SOX5: variants seen among roughly 807,000 people sequenced by gnomAD.
The protein encoded by SOX5 is SRY-box transcription factor 5.
SOX5 carries 9 observed loss-of-function variants against 92.0 expected under a neutral mutation model. The ratio of observed to expected loss-of-function variants is 0.10; its 90% CI spans 0.06 to 0.17. The LOEUF is 0.17. Among genes scored for constraint, SOX5 ranks in the 10% least tolerant of loss-of-function variants. The probability of loss-of-function intolerance (pLI) is 1.00; values close to 1 mark genes in which losing one functional copy is unlikely to be tolerated. For synonymous variants in SOX5, 344 were observed against 336.3 expected (o/e 1.02, Z -0.25); for missense variants, 642 against 944.5 (o/e 0.68, Z 4.20).
chr12:24,026,209 A>G (rs1265756586), intron 4 of SOX5, among the ~76,000 whole-genome samples: 1 of 152,070 alleles, frequency 6.6e-6, no homozygotes, highest in African/African-American at 2.4e-5. Flanking sequence ...TAACCACGGG[A>G]GTGAAGGTTC....
intron 4 of SOX5, among the ~76,000 whole-genome samples, chr12:24,025,926 G>A (rs1377238865): frequency 2.0e-5 from 3 of 152,018 alleles, no homozygotes; most frequent in Non-Finnish European, 4.4e-5. Flanking sequence ...TTCACAATTA[G>A]CTCCTGATTA....
At chr12:24,543,022 T>C (rs1274054142) in intron 1 of SOX5, among the ~76,000 whole-genome samples, 1 of 152,222 alleles carries the variant, frequency 6.6e-6, no homozygotes, top group African/African-American at 2.4e-5. Context: ...TGATGAACAA[T>C]GAAACATTGA....
At chr12:24,522,434 C>T (rs1950342751) in intron 1 of SOX5, among the ~76,000 whole-genome samples, 1 of 152,004 alleles carries the variant, frequency 6.6e-6, no homozygotes, top group Non-Finnish European at 1.5e-5. Flanking sequence ...GCCAGCATTA[C>T]CCTGACAAAG....
intron 3 of SOX5, 70 bp downstream of exon 3, chr12:23,845,912 AT>A: frequency 7.9e-7 from 1 of 1,262,700 alleles, no homozygotes; most frequent in Non-Finnish European, 1.2e-6. Context: ...CAAAAAACAA[AT>A]CAAGAAATTA....
At position 24,204,588 on chromosome 12, in the gene SOX5, CA is replaced by C. The variant is rs1435857530; in HGVS notation, c.-2+8754del. 3.3e-5 allele frequency among the ~76,000 whole-genome samples: 5 copies of C among 152,152 alleles called. No homozygotes were observed. The South Asian group carries it at 8.3e-4, about 25-fold the overall frequency. ...AAGTGATCCACCTGCCTCAGCCTCC[CA>C]AAGTGTTAAGATTACAGGCGTGAGC... On this transcript the variant is annotated intron_variant, in intron 4 of 4. Coordinates refer to the SOX5 transcript ENST00000446891.
intron 1 of SOX5, among the ~76,000 whole-genome samples, chr12:24,519,721 T>C (rs2138453641): frequency 6.6e-6 from 1 of 152,286 alleles, no homozygotes; most frequent in Middle Eastern, 3.4e-3. Context: ...AATTTAGCTA[T>C]TGATCCATGA....
chr12:24,248,319 G>A (rs931620137), intron 3 of SOX5, among the ~76,000 whole-genome samples: 5 of 152,188 alleles, frequency 3.3e-5, no homozygotes, highest in African/African-American at 9.6e-5. Flanking sequence ...CCTGAAGGAA[G>A]CAGATTATAG....
At chr12:23,831,826 C>T (rs1303519485) in intron 3 of SOX5, among the ~76,000 whole-genome samples, 1 of 151,954 alleles carries the variant, frequency 6.6e-6, no homozygotes, top group Non-Finnish European at 1.5e-5. Flanking sequence ...AATGCAGTTT[C>T]TCACACACAA....
intron 1 of SOX5, chr12:24,460,852 A>G (rs1596938621): frequency 6.6e-6 from 1 of 152,306 alleles, no homozygotes; most frequent in African/African-American, 2.4e-5. Flanking sequence ...AGACTCTTCC[A>G]GAAAAAACCT....
chr12:24,089,964 G>T (rs973565122), intron 4 of SOX5, among the ~76,000 whole-genome samples: 1 of 152,020 alleles, frequency 6.6e-6, no homozygotes, highest in Non-Finnish European at 1.5e-5. Context: ...GCAGCATGTA[G>T]GTATTTTTTT....
intron 8 of SOX5, among the ~76,000 whole-genome samples, chr12:23,617,390 A>G (rs2076689800): frequency 6.6e-6 from 1 of 152,178 alleles, no homozygotes; most frequent in Non-Finnish European, 1.5e-5. Context: ...ACATCTGGCT[A>G]TAGTTTGGGT....
chr12:24,383,051 G>A (rs1957994115), intron 1 of SOX5, among the ~76,000 whole-genome samples: 2 of 152,134 alleles, frequency 1.3e-5, no homozygotes. Context: ...ACTACAAGTG[G>A]CAGGTTCCAA....
chr12:23,588,251 G>A (rs937340105), intron 9 of SOX5, among the ~76,000 whole-genome samples: 13 of 151,924 alleles, frequency 8.6e-5, no homozygotes, highest in Non-Finnish European at 5.9e-5. Flanking sequence ...AAATAAAGAT[G>A]AGAAAAGGCT....
chr12:24,008,656 C>T (rs1471609110), intron 4 of SOX5, among the ~76,000 whole-genome samples: 2 of 152,024 alleles, frequency 1.3e-5, no homozygotes, highest in Non-Finnish European at 2.9e-5. Flanking sequence ...ATATCATTTT[C>T]AGTATTACAA....
chr12:24,269,501 T>C (rs992891651), intron 3 of SOX5, among the ~76,000 whole-genome samples: 1 of 152,160 alleles, frequency 6.6e-6, no homozygotes, highest in Non-Finnish European at 1.5e-5. Context: ...CAATTCAGCA[T>C]ATAATATGGT....
Position 23,970,840 on chromosome 12 carries a change from A to ATTTTTTTTTTTTTTTT in SOX5, c.-1-74817_-1-74816insAAAAAAAAAAAAAAAA. ...CACATGGGACTTTATATATATATAT[A>ATTTTTTTTTTTTTTTT]ATTTTTTTTTTTTTTTAAGAAATGG... On this transcript the variant is annotated intron_variant, in intron 4 of 4. Coordinates refer to the SOX5 transcript ENST00000446891. Among the ~76,000 whole-genome samples, 4 of 33,472 alleles carry ATTTTTTTTTTTTTTTT rather than the reference A, an allele frequency of 1.2e-4. 1 individual carries two copies. Among genetic ancestry groups the ATTTTTTTTTTTTTTTT allele is most frequent in the Non-Finnish European group, 2.4e-4 (4 of 16,600 alleles). The allele number at this position is 33,472 out of a possible 152,430, so 22.0% of individuals were successfully genotyped here. A position where few individuals can be genotyped will look rare whatever the true frequency, so the allele number is the denominator to read the frequency against.
At chr12:24,539,442 A>C (rs892631641) in intron 1 of SOX5, among the ~76,000 whole-genome samples, 3 of 152,144 alleles carry the variant, frequency 2.0e-5, no homozygotes, top group African/African-American at 7.2e-5. Context: ...GATGTTACAA[A>C]AGTGTGTTCC....
intron 2 of SOX5, among the ~76,000 whole-genome samples, chr12:23,885,327 C>T (rs1051057306): frequency 6.6e-6 from 1 of 152,182 alleles, no homozygotes; most frequent in Non-Finnish European, 1.5e-5. Context: ...TATAAAGCTA[C>T]ATTTGGAGCT....
At chr12:23,831,790 T>C (rs2096326946) in intron 3 of SOX5, among the ~76,000 whole-genome samples, 1 of 152,022 alleles carries the variant, frequency 6.6e-6, no homozygotes, top group African/African-American at 2.4e-5. Flanking sequence ...AGTCTAGTTC[T>C]AGTAGAAACA....
Sources: gnomAD v4.1 joint callset for allele counts (sites outside exome capture counted in the v4.1 genomes callset) on GRCh38, gnomAD v4.1.1 for gene constraint, MANE v1.5 for transcripts, NCBI Gene and HGNC (gene_info 2026-07-23, HGNC 2026-07-21) for gene names.